Variants in SORCS3 observed in about 807,000 individuals in gnomAD.
SORCS3 encodes VPS10 domain-containing receptor SorCS3.
SORCS3 carries 57 observed loss-of-function variants against 146.3 expected under a neutral mutation model. That is an observed-to-expected ratio of 0.39 (90% CI 0.31 to 0.49). The LOEUF (loss-of-function observed/expected upper bound fraction) is 0.49, where lower values mean the gene tolerates loss of function less well. Ranked by LOEUF, SORCS3 falls within the 20% of genes least tolerant of loss-of-function variation. The pLI is 0.92. For missense variants in SORCS3, 1,341 were observed against 1,575.5 expected (o/e 0.85, Z 2.52); for synonymous variants, 653 against 618.5 (o/e 1.06, Z -0.83).
intron 5 of SORCS3, among the ~76,000 whole-genome samples, chr10:105,046,189 T>C (rs2055370361): frequency 6.6e-6 from 1 of 152,112 alleles, no homozygotes; most frequent in Non-Finnish European, 1.5e-5. Context: ...TGAGAGACGA[T>C]GTTAAAAAGA....
At chr10:105,064,877 C>T (rs1470743762) in intron 5 of SORCS3, among the ~76,000 whole-genome samples, 1 of 152,172 alleles carries the variant, frequency 6.6e-6, no homozygotes, top group East Asian at 1.9e-4. Flanking sequence ...TTTGGAAACA[C>T]CCTCACAGAT....
chr10:104,940,233 TATA>T (rs1438822684), intron 3 of SORCS3, among the ~76,000 whole-genome samples: 5 of 17,552 alleles, frequency 2.8e-4, no homozygotes, highest in African/African-American at 1.5e-3. Flanking sequence ...TATATATATA[TATA>T]TATTTTTTTT....
At chr10:104,775,032 G>A (rs2017293026) in intron 1 of SORCS3, among the ~76,000 whole-genome samples, 1 of 152,192 alleles carries the variant, frequency 6.6e-6, no homozygotes, top group Non-Finnish European at 1.5e-5. Flanking sequence ...AAGCTATGAG[G>A]AGCCTGGGAT....
chr10:104,909,741 G>C (rs916635489), intron 2 of SORCS3, among the ~76,000 whole-genome samples: 3 of 151,710 alleles, frequency 2.0e-5, no homozygotes, highest in African/African-American at 7.3e-5. Context: ...CTGCAGTTCA[G>C]CTCTACTGAG....
At chr10:105,228,730 G>A (rs766512201) in intron 20 of SORCS3, among the ~76,000 whole-genome samples, 15 of 152,030 alleles carry the variant, frequency 9.9e-5, no homozygotes, top group Non-Finnish European at 1.8e-4. Flanking sequence ...TTGAATGGGG[G>A]CTCATTTATA....
intron 18 of SORCS3, among the ~76,000 whole-genome samples, chr10:105,216,646 C>T (rs2056666746): frequency 6.6e-6 from 1 of 152,140 alleles, no homozygotes; most frequent in South Asian, 2.1e-4. Flanking sequence ...GTCAGTGAAA[C>T]CCTTGGCTTC....
chr10:104,930,004 CAAA>C (rs2019190659), intron 3 of SORCS3, among the ~76,000 whole-genome samples: 1 of 151,900 alleles, frequency 6.6e-6, no homozygotes, highest in African/African-American at 2.4e-5. Context: ...AATTGCCTGA[CAAA>C]GAATTAAAAA....
intron 1 of SORCS3, among the ~76,000 whole-genome samples, chr10:104,748,358 A>T (rs2016940357): frequency 6.6e-6 from 1 of 152,228 alleles, no homozygotes; most frequent in Non-Finnish European, 1.5e-5. Context: ...CGATAAAATC[A>T]GTATTATTGT....
In SORCS3 at chr10:105,087,487, G is replaced by GAAAAA. The variant is rs59554883; in HGVS notation, c.1029-2279_1029-2275dup. On this transcript the variant is annotated intron_variant, in intron 5 of 26. Transcript: ENST00000369701. ...ACAAAATGAGACATTTCTCTTCTGGGAAAAAAAAAAAAAGAAAGAAAGAAA... is the reference window on the plus strand; with the variant it reads ...ACAAAATGAGACATTTCTCTTCTGGGAAAAAAAAAAAAAAAAAAGAAAGAAAGAAA... Among the ~76,000 whole-genome samples the GAAAAA allele has an allele frequency of 9.0e-3, 1,276 of 142,218 alleles. 19 individuals carry two copies. The highest frequency in any genetic ancestry group is 0.031 in the African/African-American group (1,209 of 38,638). The allele number at this position is 142,218 out of a possible 152,430, so 93.3% of individuals were successfully genotyped here.
chr10:104,715,128 G>A (rs542182482), intron 1 of SORCS3, among the ~76,000 whole-genome samples: 4 of 152,304 alleles, frequency 2.6e-5, no homozygotes, highest in Non-Finnish European at 5.9e-5. Context: ...TGGGTTAAGG[G>A]ATGCCCAGAT....
At chr10:104,693,589 C>A (rs1213924855) in intron 1 of SORCS3, among the ~76,000 whole-genome samples, 1 of 152,146 alleles carries the variant, frequency 6.6e-6, no homozygotes, top group Non-Finnish European at 1.5e-5. Context: ...AGAGCTGACT[C>A]CATACGGACA....
chr10:104,719,170 C>T (rs751226953), intron 1 of SORCS3, among the ~76,000 whole-genome samples: 5 of 152,284 alleles, frequency 3.3e-5, no homozygotes, highest in South Asian at 2.1e-4. Context: ...GACTAGCCAC[C>T]TTCCAAGTGC....
chr10:104,687,457 A>G (rs1350777872), intron 1 of SORCS3, among the ~76,000 whole-genome samples: 1 of 152,142 alleles, frequency 6.6e-6, no homozygotes, highest in Admixed American at 6.5e-5. Flanking sequence ...AAATGAGACA[A>G]CCCCACATTC....
intron 4 of SORCS3, among the ~76,000 whole-genome samples, chr10:104,994,663 T>A (rs374636493): frequency 1.5e-3 from 235 of 152,312 alleles, no homozygotes; most frequent in African/African-American, 5.5e-3. Context: ...TCACTAGAGA[T>A]GAGTTTGCAT....
At chr10:104,778,525 CT>C (rs1406858098) in intron 1 of SORCS3, among the ~76,000 whole-genome samples, 1 of 152,212 alleles carries the variant, frequency 6.6e-6, no homozygotes, top group African/African-American at 2.4e-5. Flanking sequence ...ATCACATCCA[CT>C]TCATGGTTTG....
At chr10:104,695,954 ATTATATACACATATAATATATATAATATG>A (rs1564660751) in intron 1 of SORCS3, among the ~76,000 whole-genome samples, 2 of 144,670 alleles carry the variant, frequency 1.4e-5, no homozygotes, top group Non-Finnish European at 3.0e-5. Context: ...TAATATATAT[ATTATATACACATATAATATATATAATATG>A]TATTATATAC....
chr10:105,039,925 C>T (rs1413961379), intron 4 of SORCS3, among the ~76,000 whole-genome samples: 3 of 152,050 alleles, frequency 2.0e-5, no homozygotes, highest in Non-Finnish European at 2.9e-5. Flanking sequence ...TTTTACCTGG[C>T]CTGTTTCAAG....
intron 6 of SORCS3, among the ~76,000 whole-genome samples, chr10:105,090,232 T>G (rs2055692864): frequency 6.6e-6 from 1 of 152,176 alleles, no homozygotes; most frequent in South Asian, 2.1e-4. Flanking sequence ...AAAAATGTAA[T>G]GGGGCATTAT....
At chr10:105,228,406 C>T (rs980340895) in intron 20 of SORCS3, among the ~76,000 whole-genome samples, 2 of 150,688 alleles carry the variant, frequency 1.3e-5, no homozygotes, top group Admixed American at 6.6e-5. Context: ...TCTGTTTCTT[C>T]TTTCTTTCTC....
Sources: gnomAD v4.1 joint callset for allele counts (sites outside exome capture counted in the v4.1 genomes callset) on GRCh38, gnomAD v4.1.1 for gene constraint, MANE v1.5 for transcripts, NCBI Gene and HGNC (gene_info 2026-07-23, HGNC 2026-07-21) for gene names.